TUBA1C: variants seen among roughly 807,000 people sequenced by gnomAD.
TUBA1C encodes tubulin alpha 1c, also known as tubulin alpha-1C chain.
A neutral mutation model predicts 34.9 loss-of-function variants in TUBA1C; 16 were observed. That is an observed-to-expected ratio of 0.46 (90% CI 0.31 to 0.70). The LOEUF is 0.70. TUBA1C is among the 30% of genes least tolerant of loss of function. TUBA1C has a pLI of 0.05. For synonymous variants in TUBA1C, 177 were observed against 215.9 expected, an observed-to-expected ratio of 0.82 and a Z score of 1.58; for missense variants, 329 against 587.3, an observed-to-expected ratio of 0.56 and a Z score of 4.55.
intron 1 of TUBA1C, among the ~76,000 whole-genome samples, chr12:49,258,983 T>A (rs188299822): frequency 3.4e-4 from 51 of 149,642 alleles, no homozygotes; most frequent in Non-Finnish European, 5.7e-4. Context: ...AGTCTCGAAC[T>A]CCTGACCTCA....
intron 1 of TUBA1C, among the ~76,000 whole-genome samples, chr12:49,234,738 G>C (rs1229186375): frequency 6.6e-6 from 1 of 152,266 alleles, no homozygotes. Flanking sequence ...CGCTGTCCGC[G>C]AAAGTTTCTG....
chr12:49,269,542 A>G lies in TUBA1C; in HGVS notation c.81A>G (p.Glu27=), dbSNP rs1942960418. ...CCTGCTGGGAGCTCTACTGCCTGGA[A>G]CACGGCATCCAGCCCGATGGCCAGA... is the stretch of plus-strand genomic sequence containing the variant. ...GNACWELYCL[E]HGIQPDGQMP... is the part of the protein sequence containing the mutation. Residue 27 remains glutamate (E), a synonymous_variant, in exon 2 of 4, where the codon GAA becomes GAG. Transcript: ENST00000301072. 1 of 1,614,098 alleles carries G rather than the reference A, an allele frequency of 6.2e-7. No homozygotes were observed. Among genetic ancestry groups the G allele is most frequent in the African/African-American group, 1.3e-5 (1 of 74,944 alleles).
chr12:49,241,991 CTTTT>C (rs201854507), intron 1 of TUBA1C, among the ~76,000 whole-genome samples: 1 of 131,822 alleles, frequency 7.6e-6, no homozygotes, highest in African/African-American at 2.8e-5. Context: ...TTCTTTCTTT[CTTTT>C]TTTTTTTTTT....
intron 1 of TUBA1C, among the ~76,000 whole-genome samples, chr12:49,266,279 A>G (rs557115298): frequency 0.016 from 2,320 of 146,892 alleles, 59 homozygotes; most frequent in African/African-American, 0.056. Flanking sequence ...AAAAAAAAAA[A>G]ATTAGCTGGG....
intron 1 of TUBA1C, among the ~76,000 whole-genome samples, 184 bp downstream of exon 1, chr12:49,265,368 G>T (rs1365578620): frequency 1.3e-5 from 2 of 152,130 alleles, no homozygotes; most frequent in Admixed American, 6.5e-5. Context: ...CACCAGTTCG[G>T]GCCGGAAAAC....
exon 1 of TUBA1C, chr12:49,228,157 T>C (rs1370678860): frequency 6.5e-7 from 1 of 1,535,578 alleles, no homozygotes; most frequent in African/African-American, 1.4e-5. Context: ...AACCTGGCTG[T>C]GATTCAAAGG....
At chr12:49,232,256 C>T (rs10875937) in intron 1 of TUBA1C, among the ~76,000 whole-genome samples, 4 of 152,078 alleles carry the variant, frequency 2.6e-5, no homozygotes, top group African/African-American at 9.7e-5. Context: ...ATAAATTCCC[C>T]GGAAATAAAC....
At chr12:49,270,765 G>A (rs900929624) in intron 3 of TUBA1C, among the ~76,000 whole-genome samples, 1 of 152,162 alleles carries the variant, frequency 6.6e-6, no homozygotes, top group African/African-American at 2.4e-5. Flanking sequence ...CGGATCATGA[G>A]GTCAGGAGAT....
chr12:49,250,325 C>T (rs1565643061), intron 1 of TUBA1C, among the ~76,000 whole-genome samples: 1 of 151,808 alleles, frequency 6.6e-6, no homozygotes, highest in Non-Finnish European at 1.5e-5. Flanking sequence ...GAAATCGAGA[C>T]CATCCTGGCT....
intron 1 of TUBA1C, among the ~76,000 whole-genome samples, chr12:49,230,254 T>C (rs184392999): frequency 7.6e-4 from 115 of 152,290 alleles, no homozygotes; most frequent in Non-Finnish European, 1.3e-3. Context: ...TTTAATGGCA[T>C]ACAAGTCAAC....
chr12:49,265,660 C>T (rs540932169), intron 1 of TUBA1C, among the ~76,000 whole-genome samples: 1 of 152,344 alleles, frequency 6.6e-6, no homozygotes, highest in Admixed American at 6.5e-5. Context: ...TGCTGAGTCA[C>T]CTGTGGCCCT....
chr12:49,265,414 C>A (rs1294991042), intron 1 of TUBA1C, among the ~76,000 whole-genome samples: 1 of 152,218 alleles, frequency 6.6e-6, no homozygotes, highest in African/African-American at 2.4e-5. Context: ...AAATGGAAAG[C>A]CCTCTTGATC....
upstream of TUBA1C, among the ~76,000 whole-genome samples, chr12:49,264,207 G>A (rs1287157561): frequency 6.8e-6 from 1 of 147,354 alleles, no homozygotes; most frequent in African/African-American, 2.5e-5. Flanking sequence ...GTGACAGAAC[G>A]AGACTCCGTC....
intron 1 of TUBA1C, among the ~76,000 whole-genome samples, chr12:49,252,806 G>C (rs145357696): frequency 6.6e-6 from 1 of 152,120 alleles, no homozygotes; most frequent in Admixed American, 6.6e-5. Context: ...CCAGCTACTC[G>C]GGAGGCTGAG....
intron 3 of TUBA1C, 31 bp downstream of exon 3, chr12:49,270,007 G>A (rs1942970165): frequency 1.2e-6 from 2 of 1,614,110 alleles, no homozygotes; most frequent in Non-Finnish European, 1.7e-6. Flanking sequence ...AAAGTGGGAT[G>A]AGAGTTTCTT....
intron 1 of TUBA1C, 158 bp downstream of exon 1, chr12:49,265,342 G>C: frequency 1.9e-6 from 1 of 513,668 alleles, no homozygotes; most frequent in Non-Finnish European, 3.3e-6. Flanking sequence ...CTGGAAGGTC[G>C]AGTTCACTTG....
At position 49,274,202 on chromosome 12, in the gene TUBA1C, C is replaced by T. The variant is rs1943032084; in HGVS notation, c.*975C>T. 6.6e-6 allele frequency: 1 copy of T among 151,862 alleles called. No individual in the cohort carries two copies. The highest frequency in any genetic ancestry group is 1.9e-4 in the East Asian group (1 of 5,140). The allele number at this position is 151,862 out of a possible 1,614,324, so 9.4% of individuals were successfully genotyped here. The stretch of plus-strand genomic sequence containing the variant: ...CATCATAGCTCACCCCCACCTTGAC[C>T]TGGGCTAAGCCATCCTCCCACCTCA... On this transcript the variant is annotated 3_prime_UTR_variant, in exon 4 of 4. Coordinates refer to ENST00000301072, the MANE Select transcript of TUBA1C (RefSeq NM_032704.5).
Position 49,272,618 on chromosome 12 carries a change from C to A in TUBA1C, c.741C>A (p.Ala247=), listed in dbSNP as rs767747131. The A allele has an allele frequency of 6.2e-7, 1 of 1,608,648 alleles. No individual in the cohort carries two copies. Among genetic ancestry groups the A allele is most frequent in the Non-Finnish European group, 8.5e-7 (1 of 1,178,182 alleles). ...CTGCTTCCCTGAGATTTGATGGAGC[C>A]CTGAATGTTGACCTGACAGAATTCC... The part of the protein sequence containing the change: ...SITASLRFDG[A]LNVDLTEFQT... The change falls in exon 4 of 4, where the codon GCC becomes GCA. Residue 247 remains alanine (A), a synonymous_variant. Transcript: ENST00000301072.
rs1942886644 is a variant in TUBA1C at position 49,265,094 on chromosome 12, C to A, written c.-88C>A. 18 of 1,494,570 alleles carry A rather than the reference C, an allele frequency of 1.2e-5. No individual in the cohort carries two copies. In the South Asian group the frequency reaches 2.4e-4, roughly 20 times the overall value. 92.6% of individuals were successfully genotyped at this position (1,494,570 alleles called of 1,614,324 possible). A position where few individuals can be genotyped will look rare whatever the true frequency, so the allele number is the denominator to read the frequency against. Reference sequence around the variant, plus strand: ...CGGCCACCCTTTCACTACTTCTCCCCCGGACTCCTTGGTAGTCTGTTAGTG... The same window carrying A: ...CGGCCACCCTTTCACTACTTCTCCCACGGACTCCTTGGTAGTCTGTTAGTG... On this transcript the variant is annotated 5_prime_UTR_variant, in exon 1 of 4. Transcript: ENST00000301072.
Sources: gnomAD v4.1 joint callset for allele counts (sites outside exome capture counted in the v4.1 genomes callset) on GRCh38, gnomAD v4.1.1 for gene constraint, MANE v1.5 for transcripts, NCBI Gene and HGNC (gene_info 2026-07-23, HGNC 2026-07-21) for gene names.